The following SHC4 variants were observed in gnomAD, a reference collection of about 807,000 sequenced individuals.
SHC4 encodes the protein SHC adaptor protein 4.
Under a neutral mutation model 69.4 loss-of-function variants are expected in SHC4, and 41 were observed. That is an observed-to-expected ratio of 0.59 (90% CI 0.46 to 0.77). SHC4 has a LOEUF of 0.77. SHC4 is among the 30% of genes least tolerant of loss of function. The pLI, the probability that SHC4 is intolerant of heterozygous loss-of-function variation, is 0.00. For synonymous variants in SHC4, 318 were observed against 299.3 expected, an observed-to-expected ratio of 1.06 and a Z score of -0.64; for missense variants, 777 against 783.8, an observed-to-expected ratio of 0.99 and a Z score of 0.10.
intron 8 of SHC4, among the ~76,000 whole-genome samples, chr15:48,853,969 G>A (rs1899263847): frequency 6.6e-6 from 1 of 151,968 alleles, no homozygotes; most frequent in Non-Finnish European, 1.5e-5. Flanking sequence ...AAATAAAAAT[G>A]GACAAATGGG....
chr15:48,841,274 G>A (rs1422567173), intron 10 of SHC4, among the ~76,000 whole-genome samples: 3 of 152,190 alleles, frequency 2.0e-5, no homozygotes, highest in African/African-American at 4.8e-5. Flanking sequence ...GGTCCAGAAA[G>A]GGTTTTTTTC....
rs202001880 is a variant in SHC4 at position 48,890,777 on chromosome 15, C to G, written c.691G>C (p.Gly231Arg). The G allele has an allele frequency of 1.1e-5, 18 of 1,614,120 alleles. No homozygotes were observed. The East Asian group carries it at 3.8e-4, about 34-fold the overall frequency. The change falls in exon 3 of 12, where the codon GGG (glycine) becomes CGG (arginine). Residue 231 changes from glycine (G) to arginine (R), a missense_variant. By Grantham distance (125) the Gly-to-Arg change is moderately radical. Transcript: ENST00000332408. ...AISRLCEAVP[G>R]ANGAIKKRKP... ...CGCTTTTTAATGGCTCCATTTGCCCCGGGGACAGCTTCACACAGGCGACTT... is the reference window on the plus strand; with the variant it reads ...CGCTTTTTAATGGCTCCATTTGCCCGGGGGACAGCTTCACACAGGCGACTT...
chr15:48,890,761 A>G lies in SHC4; in HGVS notation c.707T>C (p.Ile236Thr), dbSNP rs1900121743. 6.2e-7 allele frequency: 1 copy of G among 1,614,044 alleles called. No homozygotes were observed. The highest frequency in any genetic ancestry group is 1.7e-5 in the Admixed American group (1 of 59,998). Residue 236 changes from isoleucine to threonine, a missense_variant, in exon 3 of 12, where the codon ATT becomes ACT. By Grantham distance (89) the Ile-to-Thr change is moderately conservative. Transcript: ENST00000332408. ...CEAVPGANGAIKKRKPPVKFL... is the reference protein window; with the variant it reads ...CEAVPGANGATKKRKPPVKFL... ...ATCATCATTTACCTTTCGCTTTTTA[A>G]TGGCTCCATTTGCCCCGGGGACAGC... is the stretch of plus-strand genomic sequence containing the variant.
intron 1 of SHC4, among the ~76,000 whole-genome samples, chr15:48,956,473 C>T (rs1274372631): frequency 6.6e-6 from 1 of 152,146 alleles, no homozygotes; most frequent in East Asian, 1.9e-4. Context: ...GTCACTTCTG[C>T]AGTCCTCCTG....
chr15:48,912,328 C>A (rs1254310823), intron 2 of SHC4, among the ~76,000 whole-genome samples: 7 of 152,150 alleles, frequency 4.6e-5, no homozygotes, highest in Non-Finnish European at 8.8e-5. Flanking sequence ...AATTAGAAGA[C>A]CTTGTCTTCG....
intron 2 of SHC4, among the ~76,000 whole-genome samples, chr15:48,921,169 A>T (rs1460633503): frequency 2.0e-5 from 3 of 152,186 alleles, no homozygotes; most frequent in Non-Finnish European, 4.4e-5. Context: ...AAGATGAATT[A>T]ATCTTGAATA....
chr15:48,883,064 T>C (rs1342221215), intron 4 of SHC4, among the ~76,000 whole-genome samples: 1 of 152,210 alleles, frequency 6.6e-6, no homozygotes, highest in African/African-American at 2.4e-5. Flanking sequence ...GTTTTTTTAA[T>C]TTAGAAAATA....
rs192939271 is a variant in SHC4 at position 48,902,997 on chromosome 15, G to A, written c.657-12186C>T. Among the ~76,000 whole-genome samples the A allele has an allele frequency of 4.6e-4, 70 of 152,220 alleles. 1 individual carries two copies. The highest frequency in any genetic ancestry group is 1.6e-3 in the African/African-American group (68 of 41,518). On this transcript the variant is annotated intron_variant, in intron 2 of 11. Coordinates refer to ENST00000332408, the MANE Select transcript of SHC4 (RefSeq NM_203349.4). ...ATGATGTCTTTCAAGAACCTATTTT[G>A]TCACAGACAACAGTGAAAAAAATCA...
At chr15:48,949,124 C>A (rs1721812092) in intron 1 of SHC4, among the ~76,000 whole-genome samples, 1 of 152,130 alleles carries the variant, frequency 6.6e-6, no homozygotes, top group African/African-American at 2.4e-5. Flanking sequence ...GTAATCCCAG[C>A]ACTTTGGGAG....
At chr15:48,853,428 T>C (rs188306199) in intron 8 of SHC4, among the ~76,000 whole-genome samples, 8 of 152,128 alleles carry the variant, frequency 5.3e-5, no homozygotes, top group African/African-American at 1.7e-4. Flanking sequence ...ACAGATCCAG[T>C]GCTATTCCAA....
intron 7 of SHC4, 98 bp from the exon 8 acceptor site, chr15:48,856,222 T>G: frequency 8.4e-7 from 1 of 1,184,542 alleles, no homozygotes; most frequent in East Asian, 2.4e-5. Flanking sequence ...CCTGAAAAAC[T>G]TTGCATTCAT....
At chr15:48,854,030 AACAG>A (rs958828330) in intron 8 of SHC4, among the ~76,000 whole-genome samples, 2 of 152,184 alleles carry the variant, frequency 1.3e-5, no homozygotes, top group African/African-American at 4.8e-5. Context: ...CAACAGAGTA[AACAG>A]ACAATCTACA....
At chr15:48,836,549 T>C (rs1035648899) in intron 10 of SHC4, among the ~76,000 whole-genome samples, 1 of 151,240 alleles carries the variant, frequency 6.6e-6, no homozygotes, top group Admixed American at 6.6e-5. Flanking sequence ...ACTTTGTTTC[T>C]TTTTTTTTGT....
chr15:48,929,160 C>T (rs914135269), intron 1 of SHC4, among the ~76,000 whole-genome samples: 7 of 152,040 alleles, frequency 4.6e-5, no homozygotes, highest in African/African-American at 1.2e-4. Flanking sequence ...GGTGAGGAAG[C>T]GGGGAGGGGG....
Position 48,895,388 on chromosome 15 carries a change from C to G in SHC4, c.657-4577G>C, listed in dbSNP as rs1900205563. 2.0e-5 allele frequency among the ~76,000 whole-genome samples: 3 copies of G among 152,150 alleles called. No individual in the cohort carries two copies. The South Asian group carries it at 6.2e-4, about 31-fold the overall frequency. ...AGGAGGGAGTCCTAGGCTCCAGAGA[C>G]TAGGGAAAGTAGTATATTGACTGTC... On this transcript the variant is annotated intron_variant, in intron 2 of 11. Transcript: ENST00000332408.
At chr15:48,947,892 G>T (rs1252236276) in intron 1 of SHC4, 1 of 152,172 alleles carries the variant, frequency 6.6e-6, no homozygotes, top group Non-Finnish European at 1.5e-5. Flanking sequence ...AAAAATCAAG[G>T]CATCTTCACT....
chr15:48,890,691 A>T, intron 3 of SHC4, 57 bp downstream of exon 3: 1 of 1,599,426 alleles, frequency 6.3e-7, no homozygotes, highest in Non-Finnish European at 8.6e-7. Flanking sequence ...AGCGATTTTC[A>T]TACTATCTTT....
In SHC4 at chr15:48,843,603, A is replaced by G; in HGVS notation, c.1304-15T>C. 2 of 1,603,626 alleles carry G rather than the reference A, an allele frequency of 1.2e-6. No homozygotes were observed. The highest frequency in any genetic ancestry group is 1.7e-6 in the Non-Finnish European group (2 of 1,173,176). On this transcript the variant is annotated splice_polypyrimidine_tract_variant and intron_variant, in intron 9 of 11. Coordinates refer to ENST00000332408, the MANE Select transcript of SHC4 (RefSeq NM_203349.4). ...ATGGACATTACCTGTAGTGATTAGT[A>G]GTGATCAATACATTATGTTTTTTCT...
chr15:48,891,381 T>C (rs1900135744), intron 2 of SHC4, among the ~76,000 whole-genome samples: 1 of 152,224 alleles, frequency 6.6e-6, no homozygotes. Context: ...GAAATCAATA[T>C]CAAATTTCCT....
Sources: gnomAD v4.1 joint callset for allele counts (sites outside exome capture counted in the v4.1 genomes callset) on GRCh38, gnomAD v4.1.1 for gene constraint, MANE v1.5 for transcripts, NCBI Gene and HGNC (gene_info 2026-07-23, HGNC 2026-07-21) for gene names.